Variants in CDH12 observed in about 807,000 individuals in gnomAD.
CDH12 encodes cadherin 12.
CDH12 carries 41 observed loss-of-function variants against 74.1 expected under a neutral mutation model. That is an observed-to-expected ratio of 0.55 (90% CI 0.43 to 0.72). CDH12 has a LOEUF of 0.72. CDH12 is among the 30% of genes least tolerant of loss of function. The probability of loss-of-function intolerance (pLI) is 0.00; values close to 1 mark genes in which losing one functional copy is unlikely to be tolerated. For missense variants in CDH12, 945 were observed against 977.2 expected (o/e 0.97, Z 0.44); for synonymous variants, 399 against 355.0 (o/e 1.12, Z -1.39).
At chr5:22,662,508 GA>G (rs1740401868) in intron 1 of CDH12, among the ~76,000 whole-genome samples, 1 of 152,082 alleles carries the variant, frequency 6.6e-6, no homozygotes. Flanking sequence ...CCCATCAAAA[GA>G]AACAGCAACA....
chr5:22,163,536 CTTGA>C (rs1748484158), intron 4 of CDH12, among the ~76,000 whole-genome samples: 3 of 152,146 alleles, frequency 2.0e-5, no homozygotes, highest in Admixed American at 2.0e-4. Flanking sequence ...TTAAGTTGTT[CTTGA>C]TTTTCTTTTT....
At chr5:22,195,368 T>C (rs1391649555) in intron 4 of CDH12, among the ~76,000 whole-genome samples, 7 of 152,268 alleles carry the variant, frequency 4.6e-5, no homozygotes, top group Non-Finnish European at 8.8e-5. Flanking sequence ...ATCAGAGCAT[T>C]AAAGAGTGAC....
At chr5:22,427,798 T>C (rs941356306) in intron 2 of CDH12, among the ~76,000 whole-genome samples, 1 of 152,164 alleles carries the variant, frequency 6.6e-6, no homozygotes, top group Non-Finnish European at 1.5e-5. Context: ...AGTTGTATCA[T>C]GTCTATTTTA....
At chr5:22,672,102 T>G (rs1353963823) in intron 1 of CDH12, among the ~76,000 whole-genome samples, 6 of 76,284 alleles carry the variant, frequency 7.9e-5, no homozygotes, top group Non-Finnish European at 9.0e-5. Flanking sequence ...ATATAATATA[T>G]TATTATATAT....
At chr5:22,347,433 A>G (rs1372746263) in intron 3 of CDH12, among the ~76,000 whole-genome samples, 1 of 152,166 alleles carries the variant, frequency 6.6e-6, no homozygotes, top group African/African-American at 2.4e-5. Flanking sequence ...GACCTACACC[A>G]GCGGTTTGTC....
chr5:22,792,148 G>A (rs1204577482), intron 1 of CDH12, among the ~76,000 whole-genome samples: 5 of 146,236 alleles, frequency 3.4e-5, no homozygotes, highest in African/African-American at 5.1e-5. Context: ...GAGTGCAGTC[G>A]CATAATCTCG....
chr5:22,525,945 T>G (rs2126693915), intron 1 of CDH12, among the ~76,000 whole-genome samples: 1 of 152,286 alleles, frequency 6.6e-6, no homozygotes, highest in African/African-American at 2.4e-5. Flanking sequence ...GACAGAAACT[T>G]ACAGTATTTA....
chr5:21,751,629 TG>T lies in CDH12; in HGVS notation c.*107del. 29 of 736,546 alleles carry T rather than the reference TG, an allele frequency of 3.9e-5. No homozygotes were observed. In the Admixed American group the frequency reaches 7.0e-4, roughly 18 times the overall value. The allele number at this position is 736,546 out of a possible 1,614,324, so 45.6% of individuals were successfully genotyped here. A position where few individuals can be genotyped will look rare whatever the true frequency, so the allele number is the denominator to read the frequency against. On this transcript the variant is annotated 3_prime_UTR_variant, in exon 15 of 15. Transcript: ENST00000382254. ...CCCAGAGTGTGTGTGTGTGTGTGTG[TG>T]TTTGTGTGTGTGTGTGTGTGTGAGA... is the stretch of plus-strand genomic sequence containing the variant.
intron 4 of CDH12, among the ~76,000 whole-genome samples, chr5:22,128,424 T>C (rs1188045131): frequency 6.6e-6 from 1 of 151,570 alleles, no homozygotes; most frequent in Non-Finnish European, 1.5e-5. Context: ...TTTTTTTTTC[T>C]TTTTTGTTAC....
chr5:22,595,539 T>C (rs1034773811), intron 1 of CDH12, among the ~76,000 whole-genome samples: 4 of 152,216 alleles, frequency 2.6e-5, no homozygotes, highest in African/African-American at 2.4e-5. Context: ...TATATAAGTA[T>C]GGTTATTTCA....
At chr5:22,765,570 T>G (rs181485946) in intron 1 of CDH12, among the ~76,000 whole-genome samples, 2 of 152,134 alleles carry the variant, frequency 1.3e-5, no homozygotes, top group Admixed American at 6.6e-5. Flanking sequence ...ATTTTCAGAT[T>G]GATTTTTTAA....
chr5:22,208,702 T>C (rs1226341705), intron 4 of CDH12, among the ~76,000 whole-genome samples: 2 of 152,156 alleles, frequency 1.3e-5, no homozygotes, highest in Non-Finnish European at 2.9e-5. Context: ...TCTTAGACCT[T>C]GGCACATTCA....
intron 1 of CDH12, among the ~76,000 whole-genome samples, chr5:22,584,500 T>C (rs540188612): frequency 6.6e-6 from 1 of 152,372 alleles, no homozygotes; most frequent in East Asian, 1.9e-4. Flanking sequence ...TATAACACAA[T>C]TTAACTATGT....
intron 4 of CDH12, among the ~76,000 whole-genome samples, chr5:22,109,636 A>C (rs1183734184): frequency 6.6e-6 from 1 of 152,224 alleles, no homozygotes; most frequent in African/African-American, 2.4e-5. Context: ...ACAGTAATCA[A>C]GAGGAAAACA....
chr5:21,963,894 T>C (rs1228621588), intron 6 of CDH12, among the ~76,000 whole-genome samples: 1 of 152,128 alleles, frequency 6.6e-6, no homozygotes, highest in Non-Finnish European at 1.5e-5. Flanking sequence ...TTTACACCTA[T>C]AATCTTCCTC....
intron 1 of CDH12, among the ~76,000 whole-genome samples, chr5:22,740,132 TC>T (rs1744944760): frequency 6.6e-6 from 1 of 151,720 alleles, no homozygotes; most frequent in South Asian, 2.1e-4. Flanking sequence ...AGAAAAAGTT[TC>T]CTTGTTGGTA....
At chr5:22,484,301 A>G (rs1746500653) in intron 2 of CDH12, among the ~76,000 whole-genome samples, 1 of 152,144 alleles carries the variant, frequency 6.6e-6, no homozygotes, top group Non-Finnish European at 1.5e-5. Context: ...TTTCACGGGT[A>G]GGTCTTAGGC....
intron 2 of CDH12, among the ~76,000 whole-genome samples, chr5:22,421,450 T>C (rs1345175591): frequency 6.6e-6 from 1 of 152,166 alleles, no homozygotes; most frequent in Non-Finnish European, 1.5e-5. Flanking sequence ...TGGTTTTCTG[T>C]TCTTTTGTTA....
At chr5:22,840,443 G>A (rs1737032479) in intron 1 of CDH12, among the ~76,000 whole-genome samples, 1 of 151,728 alleles carries the variant, frequency 6.6e-6, no homozygotes, top group Non-Finnish European at 1.5e-5. Flanking sequence ...AAATGCTTGG[G>A]TATGCTTATA....
Sources: gnomAD v4.1 joint callset for allele counts (sites outside exome capture counted in the v4.1 genomes callset) on GRCh38, gnomAD v4.1.1 for gene constraint, MANE v1.5 for transcripts, NCBI Gene and HGNC (gene_info 2026-07-23, HGNC 2026-07-21) for gene names.